Variants in SLC38A11 observed in about 807,000 individuals in gnomAD.
SLC38A11 encodes putative sodium-coupled neutral amino acid transporter 11.
Under a neutral mutation model 49.4 loss-of-function variants are expected in SLC38A11, and 51 were observed. The ratio of observed to expected loss-of-function variants is 1.03; its 90% CI spans 0.83 to 1.30. SLC38A11 has a LOEUF of 1.30. SLC38A11 is among the 50% of genes most tolerant of loss of function. The probability of loss-of-function intolerance (pLI) is 0.00; values close to 1 mark genes in which losing one functional copy is unlikely to be tolerated. For synonymous variants in SLC38A11, 203 were observed against 192.9 expected, an observed-to-expected ratio of 1.05 and a Z score of -0.43; for missense variants, 574 against 556.2, an observed-to-expected ratio of 1.03 and a Z score of -0.32.
chr2:164,915,448 A>G (rs560248905), intron 8 of SLC38A11, 175 bp from the exon 9 acceptor site: 6 of 581,462 alleles, frequency 1.0e-5, no homozygotes, highest in Non-Finnish European at 1.7e-5. Context: ...GAGACCATTC[A>G]TTCACATCAG....
chr2:164,952,048 G>A (rs1338831793), intron 3 of SLC38A11, among the ~76,000 whole-genome samples: 1 of 152,184 alleles, frequency 6.6e-6, no homozygotes, highest in African/African-American at 2.4e-5. Context: ...AGGTGAGATG[G>A]TGGGATGACA....
intron 7 of SLC38A11, among the ~76,000 whole-genome samples, chr2:164,934,468 T>C (rs1687220828): frequency 6.6e-6 from 1 of 152,298 alleles, no homozygotes; most frequent in Middle Eastern, 3.4e-3. Flanking sequence ...GCCTGGCCCC[T>C]AGATCAATTC....
chr2:164,895,269 T>A lies in SLC38A11; in HGVS notation c.*3168A>T, dbSNP rs1684362591. 6.6e-6 allele frequency among the ~76,000 whole-genome samples: 1 copy of A among 152,232 alleles called. No individual in the cohort carries two copies. Among genetic ancestry groups the A allele is most frequent in the African/African-American group, 2.4e-5 (1 of 41,464 alleles). ...CTTGGCAAATTCTTTACACATTTTT[T>A]AGAATAAGCATACATTCTTAAAAGC... On this transcript the variant is annotated 3_prime_UTR_variant, in exon 12 of 12. Coordinates refer to ENST00000685975, the MANE Select transcript of SLC38A11 (RefSeq NM_001351537.2).
chr2:164,912,553 T>C (rs1685475404), intron 9 of SLC38A11: 1 of 152,068 alleles, frequency 6.6e-6, no homozygotes, highest in Non-Finnish European at 1.5e-5. Context: ...CCAGTACATC[T>C]GGGGAGCTGA....
chr2:164,899,362 C>T (rs1024250035), intron 11 of SLC38A11, among the ~76,000 whole-genome samples: 6 of 152,000 alleles, frequency 3.9e-5, no homozygotes, highest in Admixed American at 1.3e-4. Flanking sequence ...ACTCATTCAC[C>T]CTTCCCCACA....
chr2:164,945,524 G>A, intron 4 of SLC38A11, 69 bp downstream of exon 4: 1 of 1,418,626 alleles, frequency 7.0e-7, no homozygotes, highest in Non-Finnish European at 9.5e-7. Flanking sequence ...ACTATTAAAA[G>A]TATTTTATTC....
intron 11 of SLC38A11, among the ~76,000 whole-genome samples, chr2:164,903,775 T>C (rs768249683): frequency 1.1e-4 from 17 of 152,254 alleles, no homozygotes; most frequent in Non-Finnish European, 2.4e-4. Context: ...TTCTTATTAA[T>C]TGATAATAAC....
At chr2:164,930,786 C>T (rs1254586630) in intron 7 of SLC38A11, among the ~76,000 whole-genome samples, 1 of 151,944 alleles carries the variant, frequency 6.6e-6, no homozygotes, top group African/African-American at 2.4e-5. Flanking sequence ...GTGACTAAAC[C>T]ACAGCCAACA....
rs148795906 is a variant in SLC38A11, at chr2:164,898,646, C to T, written c.1180G>A (p.Asp394Asn). Residue 394 changes from aspartate to asparagine, a missense_variant, in exon 12 of 12, where the codon GAT becomes AAT. Transcript: ENST00000685975. The part of the protein sequence containing the change: ...KLSEEPRTHS[D>N]KIMSCVMLPI... ...AGCATGACACAAGACATAATCTTAT[C>T]GGAGTGTGTCCTTGGTTCTTCAGAC... The T allele has an allele frequency of 3.1e-5, 50 of 1,613,450 alleles. 1 individual carries two copies. The East Asian group carries it at 9.4e-4, about 30-fold the overall frequency.
At chr2:164,930,480 G>T (rs1686923652) in intron 7 of SLC38A11, among the ~76,000 whole-genome samples, 1 of 151,904 alleles carries the variant, frequency 6.6e-6, no homozygotes, top group Admixed American at 6.6e-5. Context: ...CAATATCTTT[G>T]GTGAACATCA....
At chr2:164,907,356 C>T (rs1228921511) in intron 11 of SLC38A11, among the ~76,000 whole-genome samples, 1 of 140,986 alleles carries the variant, frequency 7.1e-6, no homozygotes, top group African/African-American at 2.7e-5. Flanking sequence ...TCACTGAAAC[C>T]TCTACCTCCT....
chr2:164,919,543 A>C (rs1460278380), intron 7 of SLC38A11, among the ~76,000 whole-genome samples: 3 of 152,196 alleles, frequency 2.0e-5, no homozygotes, highest in African/African-American at 7.2e-5. Context: ...ATGCATACAC[A>C]GTTGTCCCTT....
rs146712925 is a variant in SLC38A11 at position 164,928,650 on chromosome 2, C to G, written c.617+8700G>C. Among the ~76,000 whole-genome samples, 79 of 152,154 alleles carry G rather than the reference C, an allele frequency of 5.2e-4. No individual in the cohort carries two copies. The East Asian group carries it at 0.015, about 29-fold the overall frequency. On this transcript the variant is annotated intron_variant, in intron 7 of 11. Transcript: ENST00000685975. ...TAACAAATACATTATTATTTTATTTCTATGTGTAGATCCCTTCTCACTTCC... is the reference window on the plus strand; with the variant it reads ...TAACAAATACATTATTATTTTATTTGTATGTGTAGATCCCTTCTCACTTCC...
chr2:164,918,746 T>C (rs141403494), intron 7 of SLC38A11, among the ~76,000 whole-genome samples: 5 of 152,278 alleles, frequency 3.3e-5, no homozygotes, highest in Admixed American at 2.6e-4. Context: ...TTCAGCAAGG[T>C]TACTGGATAC....
chr2:164,916,460 A>G (rs1224120633), intron 7 of SLC38A11, among the ~76,000 whole-genome samples: 1 of 152,164 alleles, frequency 6.6e-6, no homozygotes, highest in African/African-American at 2.4e-5. Context: ...AGGATGTACT[A>G]TCTTCTAGAA....
intron 11 of SLC38A11, among the ~76,000 whole-genome samples, chr2:164,904,305 G>C (rs1574733947): frequency 2.0e-5 from 3 of 152,006 alleles, no homozygotes; most frequent in African/African-American, 4.8e-5. Flanking sequence ...TTGTTACCAA[G>C]AATAGTGCTT....
At chr2:164,913,158 G>T (rs1374626563) in intron 9 of SLC38A11, among the ~76,000 whole-genome samples, 1 of 151,612 alleles carries the variant, frequency 6.6e-6, no homozygotes, top group Non-Finnish European at 1.5e-5. Context: ...ACTTTAAGTG[G>T]CTCTCACCCC....
At chr2:164,947,527 C>T (rs1400103710) in intron 3 of SLC38A11, among the ~76,000 whole-genome samples, 1 of 152,096 alleles carries the variant, frequency 6.6e-6, no homozygotes, top group East Asian at 1.9e-4. Context: ...TTTGTGTTTC[C>T]AGCTCAGACC....
intron 7 of SLC38A11, among the ~76,000 whole-genome samples, chr2:164,932,223 T>A (rs1032158699): frequency 1.3e-5 from 2 of 152,018 alleles, no homozygotes; most frequent in African/African-American, 4.8e-5. Flanking sequence ...CATCTCACAC[T>A]AGTCACAATG....
Sources: allele counts gnomAD v4.1 joint callset (sites outside exome capture counted in the v4.1 genomes callset), GRCh38; gene constraint gnomAD v4.1.1; transcripts MANE v1.5; gene names NCBI Gene and HGNC (gene_info 2026-07-23, HGNC 2026-07-21).